Variants in POLR3A observed in about 807,000 individuals in gnomAD.
POLR3A encodes DNA-directed RNA polymerase III subunit RPC1.
In POLR3A, 112 loss-of-function variants were observed where a neutral mutation model predicts 152.8. The observed-to-expected ratio is 0.73, with a 90% confidence interval of 0.63 to 0.86. The LOEUF is 0.86. Ranked by LOEUF, POLR3A falls within the 40% of genes least tolerant of loss-of-function variation. The pLI, the probability that POLR3A is intolerant of heterozygous loss-of-function variation, is 0.00. For missense variants in POLR3A, 1,385 were observed against 1,743.1 expected, an observed-to-expected ratio of 0.79 and a Z score of 3.66; for synonymous variants, 615 against 652.1, an observed-to-expected ratio of 0.94 and a Z score of 0.87.
chr10:78,019,362 A>C lies in POLR3A; in HGVS notation c.1186-97T>G, dbSNP rs1847555743. 1.2e-5 allele frequency: 11 copies of C among 912,416 alleles called. No homozygotes were observed. In the South Asian group the frequency reaches 1.5e-4, roughly 12 times the overall value. The allele number at this position is 912,416 out of a possible 1,614,324, so 56.5% of individuals were successfully genotyped here. A position where few individuals can be genotyped will look rare whatever the true frequency, so the allele number is the denominator to read the frequency against. On this transcript the variant is annotated intron_variant, in intron 8 of 30. Coordinates refer to ENST00000372371, the MANE Select transcript of POLR3A (RefSeq NM_007055.4). ...CTTAATCTTTACTTTCCTTGTTCAG[A>C]TTCTAGGAGAAAGAGAGGCATCCTG...
At chr10:78,010,072 T>C in intron 12 of POLR3A, 81 bp from the exon 13 acceptor site, 1 of 1,556,426 alleles carries the variant, frequency 6.4e-7, no homozygotes, top group Non-Finnish European at 8.7e-7. Context: ...TTAAAATAAA[T>C]TTGAACCATG....
At position 78,025,667 on chromosome 10, in the gene POLR3A, C is replaced by T. The variant is rs752246988; in HGVS notation, c.273G>A (p.Pro91=). ...CTCTGAAGTACCCTACATGAAAACA[C>T]GGCAACTCCAGGTCGATATACCCAT... The part of the protein sequence containing the change: ...GHYGYIDLEL[P]CFHVGYFRAV... The change falls in exon 3 of 31, where the codon CCG becomes CCA. Residue 91 remains proline (P), a synonymous_variant. Coordinates refer to ENST00000372371, the MANE Select transcript of POLR3A (RefSeq NM_007055.4). 9.9e-6 allele frequency: 16 copies of T among 1,614,060 alleles called. No homozygotes were observed. The highest frequency in any genetic ancestry group is 3.3e-4 in the Middle Eastern group (2 of 6,062).
At chr10:78,020,195 G>T (rs1186099855) in intron 8 of POLR3A, 3 of 131,320 alleles carry the variant, frequency 2.3e-5, no homozygotes, top group African/African-American at 9.6e-5. Context: ...AAAAAAAAAA[G>T]TGCTAGCTGG....
rs553677451 is a variant in POLR3A, at chr10:77,995,654, C to G, written c.2617-2287G>C. On this transcript the variant is annotated intron_variant, in intron 19 of 30. Transcript: ENST00000372371. ...CACCCAATACAGGAGCACCCAGATT[C>G]ATAAAGCAAGTCCTGAGTGACCTAC... 2.1e-3 allele frequency among the ~76,000 whole-genome samples: 313 copies of G among 152,196 alleles called. 1 individual carries two copies. The highest frequency in any genetic ancestry group is 7.1e-3 in the African/African-American group (296 of 41,510).
At chr10:77,986,782 C>T (rs1211992753) in intron 21 of POLR3A, among the ~76,000 whole-genome samples, 1 of 152,170 alleles carries the variant, frequency 6.6e-6, no homozygotes, top group Non-Finnish European at 1.5e-5. Context: ...TTCCTGGAAA[C>T]CATTGTCAAA....
At chr10:78,013,902 A>G in intron 10 of POLR3A, 112 bp from the exon 11 acceptor site, 1 of 1,217,184 alleles carries the variant, frequency 8.2e-7, no homozygotes, top group Non-Finnish European at 1.2e-6. Context: ...CACTGGCTTA[A>G]GAAAGTAGAT....
intron 1 of POLR3A, among the ~76,000 whole-genome samples, chr10:78,028,872 T>C (rs7910698): frequency 0.18 from 27,915 of 151,852 alleles, 5,753 homozygotes; most frequent in African/African-American, 0.5. Flanking sequence ...AAGGCAAAAG[T>C]CCGGATAGCA....
rs1465219605 is a variant in POLR3A, at chr10:78,024,562, A to G, written c.632T>C (p.Leu211Pro). The G allele has an allele frequency of 6.2e-7, 1 of 1,613,486 alleles. No homozygotes were observed. The highest frequency in any genetic ancestry group is 1.3e-5 in the African/African-American group (1 of 74,868). The part of the protein sequence containing the change: ...IEHNKEVEPL[L>P]GRAQENLNPL... The stretch of plus-strand genomic sequence containing the variant: ...TCTCAGGCTCACCTGTGCCCTTCCC[A>G]GCAGAGGCTCCACTTCTTTATTATG... Residue 211 changes from leucine (L) to proline (P), a missense_variant, in exon 5 of 31, where the codon CTG becomes CCG. This residue lies in a region of POLR3A where 493 missense variants were observed against 647.5 expected (regional missense o/e 0.76). Coordinates refer to ENST00000372371, the MANE Select transcript of POLR3A (RefSeq NM_007055.4).
In POLR3A at chr10:78,002,300, G is replaced by C; in HGVS notation, c.2256C>G (p.Ile752Met). Residue 752 changes from isoleucine (I) to methionine (M), a missense_variant, in exon 17 of 31, where the codon ATC (isoleucine) becomes ATG (methionine). By Grantham distance (10) the Ile-to-Met change is conservative. Coordinates refer to ENST00000372371, the MANE Select transcript of POLR3A (RefSeq NM_007055.4). Reference sequence around the variant, plus strand: ...CACGGATCACAGACAGCTCCTTCAGGATCAGTGCCTAGTGGGAGAAAAGGA... The same window carrying C: ...CACGGATCACAGACAGCTCCTTCAGCATCAGTGCCTAGTGGGAGAAAAGGA... ...CTAEETLEAL[I>M]LKELSVIRDH... 1 of 1,594,514 alleles carries C rather than the reference G, an allele frequency of 6.3e-7. No homozygotes were observed. The highest frequency in any genetic ancestry group is 8.5e-7 in the Non-Finnish European group (1 of 1,169,590).
intron 19 of POLR3A, among the ~76,000 whole-genome samples, chr10:77,998,140 A>G (rs1847320419): frequency 6.6e-6 from 1 of 152,214 alleles, no homozygotes; most frequent in African/African-American, 2.4e-5. Flanking sequence ...TATACCTTAT[A>G]CAAAAATTAA....
In POLR3A at chr10:78,002,542, T is replaced by G. The variant is rs147905732; in HGVS notation, c.2248-234A>C. On this transcript the variant is annotated intron_variant, in intron 16 of 30. Transcript: ENST00000372371. ...GGCAAACAGTTTATCTTTTTTTTGT[T>G]TTTGTTGGAGACAGGATCTCACTCT... 2.1e-3 allele frequency among the ~76,000 whole-genome samples: 314 copies of G among 152,290 alleles called. 1 individual carries two copies. The highest frequency in any genetic ancestry group is 3.4e-3 in the Non-Finnish European group (228 of 68,024).
At position 78,017,730 on chromosome 10, in the gene POLR3A, A is replaced by G; in HGVS notation, c.1290-14T>C. On this transcript the variant is annotated splice_polypyrimidine_tract_variant and intron_variant, in intron 9 of 30. Coordinates refer to ENST00000372371, the MANE Select transcript of POLR3A (RefSeq NM_007055.4). ...TATTTCAAAAACCTGAATGTGCAAC[A>G]ATAAACATGATCTGTGAAAGCAAAG... 1 of 1,614,014 alleles carries G rather than the reference A, an allele frequency of 6.2e-7. No homozygotes were observed. The highest frequency in any genetic ancestry group is 8.5e-7 in the Non-Finnish European group (1 of 1,179,988).
At chr10:78,025,970 G>T in intron 2 of POLR3A, 124 bp downstream of exon 2, 1 of 1,297,500 alleles carries the variant, frequency 7.7e-7, no homozygotes, top group Non-Finnish European at 1.1e-6. Context: ...TCTTGACCTA[G>T]TCTAATATGT....
intron 19 of POLR3A, among the ~76,000 whole-genome samples, chr10:77,995,253 C>T (rs1340083322): frequency 2.0e-5 from 3 of 152,174 alleles, no homozygotes; most frequent in Non-Finnish European, 4.4e-5. Context: ...ACTGCATCAA[C>T]TAACAAGCAA....
chr10:78,020,856 G>A (rs945457223), intron 8 of POLR3A, among the ~76,000 whole-genome samples: 1 of 152,114 alleles, frequency 6.6e-6, no homozygotes, highest in African/African-American at 2.4e-5. Context: ...CAAATGCTTT[G>A]ACTCAGTGAC....
Position 78,029,381 on chromosome 10 carries a change from C to T in POLR3A, c.27G>A (p.Thr9=). 4 of 1,614,144 alleles carry T rather than the reference C, an allele frequency of 2.5e-6. No individual in the cohort carries two copies. Among genetic ancestry groups the T allele is most frequent in the Non-Finnish European group, 3.4e-6 (4 of 1,180,032 alleles). MVKEQFRE[T]DVAKKISHIC... is the part of the protein sequence containing the mutation. ...CGTCTTACATTTTCTTGGCCACATC[C>T]GTCTCCCGGAACTGCTCCTTCACCA... is the stretch of plus-strand genomic sequence containing the variant. The change falls in exon 1 of 31, where the codon ACG becomes ACA. Residue 9 remains threonine (T), a synonymous_variant. Coordinates refer to ENST00000372371, the MANE Select transcript of POLR3A (RefSeq NM_007055.4).
In POLR3A at chr10:77,991,034, C is replaced by T. The variant is rs565334208; in HGVS notation, c.2901+20G>A. The stretch of plus-strand genomic sequence containing the variant: ...CGACAGCCAGGCTGGGTGCAGTAGC[C>T]AGCACCTGGCAGAGCTCACCTGCAG... On this transcript the variant is annotated intron_variant, in intron 21 of 30. Coordinates refer to ENST00000372371, the MANE Select transcript of POLR3A (RefSeq NM_007055.4). 9.2e-6 allele frequency: 13 copies of T among 1,406,138 alleles called. No individual in the cohort carries two copies. In the East Asian group the frequency reaches 2.7e-4, roughly 30 times the overall value. 87.1% of individuals were successfully genotyped at this position (1,406,138 alleles called of 1,614,324 possible). A position where few individuals can be genotyped will look rare whatever the true frequency, so the allele number is the denominator to read the frequency against.
At position 77,999,976 on chromosome 10, in the gene POLR3A, G is replaced by C. The variant is rs1200124878; in HGVS notation, c.2616+5C>G. The stretch of plus-strand genomic sequence containing the variant: ...TTGCTAATGGCCTACATTTCTTCAG[G>C]TTACCTGCATGTATCCCGTTTCAGC... On this transcript the variant is annotated splice_donor_5th_base_variant and intron_variant, in intron 19 of 30. Coordinates refer to ENST00000372371, the MANE Select transcript of POLR3A (RefSeq NM_007055.4). 2 of 1,613,968 alleles carry C rather than the reference G, an allele frequency of 1.2e-6. No homozygotes were observed. The highest frequency in any genetic ancestry group is 4.5e-5 in the East Asian group (2 of 44,870).
intron 8 of POLR3A, among the ~76,000 whole-genome samples, chr10:78,020,784 C>T (rs1564622815): frequency 6.6e-6 from 1 of 151,958 alleles, no homozygotes; most frequent in Non-Finnish European, 1.5e-5. Flanking sequence ...CGAGACTCCA[C>T]CTCAAAAACA....
Sources: gnomAD v4.1 joint callset for allele counts (sites outside exome capture counted in the v4.1 genomes callset) on GRCh38, gnomAD v4.1.1 for gene constraint, gnomAD v4.1.1 regional missense constraint, MANE v1.5 for transcripts, NCBI Gene and HGNC (gene_info 2026-07-23, HGNC 2026-07-21) for gene names.